The following GFAP variants were observed in gnomAD, a reference collection of about 807,000 sequenced individuals.
GFAP encodes the protein glial fibrillary acidic protein.
A neutral mutation model predicts 49.3 loss-of-function variants in GFAP; 38 were observed. The observed-to-expected ratio is 0.77, with a 90% CI of 0.60 to 1.01. The LOEUF (loss-of-function observed/expected upper bound fraction) is 1.01, where lower values mean the gene tolerates loss of function less well. Ranked by LOEUF, GFAP falls within the 50% of genes least tolerant of loss-of-function variation. GFAP has a pLI of 0.00. For synonymous variants in GFAP, 222 were observed against 236.4 expected (o/e 0.94, Z 0.56); for missense variants, 463 against 579.1 (o/e 0.80, Z 2.06).
In GFAP at chr17:44,910,668, A is replaced by G; in HGVS notation, c.1128-10T>C. Reference sequence around the variant, plus strand: ...CACGGGAATGGTGATCCTGAAAGAAAGCAGAGGGAGAGGGCTGCCCGGGCT... The same window carrying G: ...CACGGGAATGGTGATCCTGAAAGAAGGCAGAGGGAGAGGGCTGCCCGGGCT... On this transcript the variant is annotated splice_polypyrimidine_tract_variant and intron_variant, in intron 6 of 8. Transcript: ENST00000588735. The G allele has an allele frequency of 6.3e-7, 1 of 1,585,556 alleles. No homozygotes were observed. Among genetic ancestry groups the G allele is most frequent in the Non-Finnish European group, 8.6e-7 (1 of 1,165,954 alleles).
Position 44,910,038 on chromosome 17 carries a change from G to A in GFAP, c.1171+577C>T, listed in dbSNP as rs577662659. 184 of 1,600,158 alleles carry A rather than the reference G, an allele frequency of 1.1e-4. 2 individuals carry two copies. The South Asian group carries it at 2.0e-3, about 17-fold the overall frequency. ...ACGCAGTCCAGGCCCTTTAGGGGAAGCCTGGGAAGAGGGAACTCAGGGGGA... is the reference window on the plus strand; with the variant it reads ...ACGCAGTCCAGGCCCTTTAGGGGAAACCTGGGAAGAGGGAACTCAGGGGGA... On this transcript the variant is annotated intron_variant, in intron 7 of 8. Coordinates refer to ENST00000588735, the MANE Select transcript of GFAP (RefSeq NM_002055.5).
intron 1 of GFAP, chr17:44,914,458 T>G: frequency 3.7e-6 from 1 of 268,954 alleles, no homozygotes; most frequent in Admixed American, 4.9e-5. Context: ...CCCCTGGGGA[T>G]TCCTCTGATC....
rs2051658507 is a variant in GFAP, at chr17:44,906,769, A to T, written c.*578T>A. On this transcript the variant is annotated 3_prime_UTR_variant, in exon 9 of 9. Coordinates refer to ENST00000588735, the MANE Select transcript of GFAP (RefSeq NM_002055.5). The stretch of plus-strand genomic sequence containing the variant: ...CTACACAGGAGGCTGAGGTGGGTAG[A>T]CTGCTTGAGCCCAGGAGTTCAAGGT... The T allele has an allele frequency of 5.5e-6, 1 of 182,588 alleles. No homozygotes were observed. Among genetic ancestry groups the T allele is most frequent in the African/African-American group, 2.4e-5 (1 of 42,230 alleles). 11.3% of individuals were successfully genotyped at this position (182,588 alleles called of 1,614,324 possible). A position where few individuals can be genotyped will look rare whatever the true frequency, so the allele number is the denominator to read the frequency against.
chr17:44,908,433 G>C (rs982272023), intron 7 of GFAP: 4 of 342,744 alleles, frequency 1.2e-5, no homozygotes, highest in Non-Finnish European at 2.1e-5. Flanking sequence ...GCACGGTATT[G>C]AAATCAGGAG....
At chr17:44,910,268 G>T in intron 7 of GFAP, 1 of 1,613,890 alleles carries the variant, frequency 6.2e-7, no homozygotes, top group South Asian at 1.1e-5. Flanking sequence ...CCCCTGTAGT[G>T]ACAAGCAGTT....
In GFAP at chr17:44,904,262, G is replaced by A. The variant is rs776426119; in HGVS notation, c.*3085C>T. On this transcript the variant is annotated 3_prime_UTR_variant, in exon 9 of 9. Transcript: ENST00000588735. ...CGATGTGGACATCCAGAACAGTGAG[G>A]GAATGGTGGCCACTTTCCAGGACAA... 9.7e-6 allele frequency: 15 copies of A among 1,550,334 alleles called. No individual in the cohort carries two copies. Among genetic ancestry groups the A allele is most frequent in the Middle Eastern group, 1.7e-4 (1 of 6,012 alleles).
In GFAP at chr17:44,906,699, A is replaced by T. The variant is rs1014870273; in HGVS notation, c.*648T>A. 5 of 164,700 alleles carry T rather than the reference A, an allele frequency of 3.0e-5. No individual in the cohort carries two copies. The highest frequency in any genetic ancestry group is 1.2e-4 in the African/African-American group (5 of 41,614). 10.2% of individuals were successfully genotyped at this position (164,700 alleles called of 1,614,324 possible). A position where few individuals can be genotyped will look rare whatever the true frequency, so the allele number is the denominator to read the frequency against. Reference sequence around the variant, plus strand: ...GACTGATCAGGGTCAGTCTAGGAGAACAACCCTCTGAGCTGGGCATGGTGG... The same window carrying T: ...GACTGATCAGGGTCAGTCTAGGAGATCAACCCTCTGAGCTGGGCATGGTGG... On this transcript the variant is annotated 3_prime_UTR_variant, in exon 9 of 9. Coordinates refer to ENST00000588735, the MANE Select transcript of GFAP (RefSeq NM_002055.5).
At chr17:44,914,579 T>C (rs2051862919) in intron 1 of GFAP, 1 of 227,814 alleles carries the variant, frequency 4.4e-6, no homozygotes, top group African/African-American at 2.3e-5. Flanking sequence ...TCACCTGTGC[T>C]TTGCGCCCAG....
Position 44,905,359 on chromosome 17 carries a change from C to A in GFAP, c.*1988G>T. 1 of 435,804 alleles carries A rather than the reference C, an allele frequency of 2.3e-6. No homozygotes were observed. Among genetic ancestry groups the A allele is most frequent in the Non-Finnish European group, 4.3e-6 (1 of 232,056 alleles). 27.0% of individuals were successfully genotyped at this position (435,804 alleles called of 1,614,324 possible). A position where few individuals can be genotyped will look rare whatever the true frequency, so the allele number is the denominator to read the frequency against. On this transcript the variant is annotated 3_prime_UTR_variant, in exon 9 of 9. Coordinates refer to ENST00000588735, the MANE Select transcript of GFAP (RefSeq NM_002055.5). ...AGGAAAGTGTGAACTCAGATTTATC[C>A]AGTGGTAAACACTGATCAGTGTTGA... is the stretch of plus-strand genomic sequence containing the variant.
chr17:44,903,205 C>T lies in GFAP; in HGVS notation c.*4142G>A. 4 of 1,264,148 alleles carry T rather than the reference C, an allele frequency of 3.2e-6. No homozygotes were observed. The highest frequency in any genetic ancestry group is 4.0e-6 in the Non-Finnish European group (4 of 1,006,696). 78.3% of individuals were successfully genotyped at this position (1,264,148 alleles called of 1,614,324 possible). On this transcript the variant is annotated 3_prime_UTR_variant, in exon 9 of 9. Transcript: ENST00000588735. Reference sequence around the variant, plus strand: ...TTTATGGTAAACAAACACTGATCTCCACAGCTCTTAACAAGAATGTTTATA... The same window carrying T: ...TTTATGGTAAACAAACACTGATCTCTACAGCTCTTAACAAGAATGTTTATA...
chr17:44,914,359 A>C, intron 1 of GFAP: 1 of 513,968 alleles, frequency 1.9e-6, no homozygotes, highest in Non-Finnish European at 3.5e-6. Flanking sequence ...GCATACACTC[A>C]CTGTTGCACA....
intron 8 of GFAP, 50 bp from the exon 9 acceptor site, chr17:44,907,438 G>C: frequency 7.5e-7 from 1 of 1,325,152 alleles, no homozygotes; most frequent in Non-Finnish European, 1.1e-6. Flanking sequence ...AGTTCACACA[G>C]ACCCCAGGTC....
chr17:44,914,376 C>A, intron 1 of GFAP: 1 of 470,246 alleles, frequency 2.1e-6, no homozygotes, highest in Non-Finnish European at 3.8e-6. Context: ...CACACACACA[C>A]ACACACACGC....
At position 44,905,147 on chromosome 17, in the gene GFAP, A is replaced by G. The variant is rs1222013223; in HGVS notation, c.*2200T>C. ...TGATACCAGATGTCTCTGGGTGGGT[A>G]CCCTGGGTTGGGACAGGTGGTAGGA... is the stretch of plus-strand genomic sequence containing the variant. On this transcript the variant is annotated 3_prime_UTR_variant, in exon 9 of 9. Transcript: ENST00000588735. 3.2e-6 allele frequency: 4 copies of G among 1,233,662 alleles called. No homozygotes were observed. In the South Asian group the frequency reaches 4.6e-5, roughly 14 times the overall value. The allele number at this position is 1,233,662 out of a possible 1,614,324, so 76.4% of individuals were successfully genotyped here.
At position 44,903,440 on chromosome 17, in the gene GFAP, C is replaced by A; in HGVS notation, c.*3907G>T. On this transcript the variant is annotated 3_prime_UTR_variant, in exon 9 of 9. Transcript: ENST00000588735. ...TCCCCCAGGTTGATGAAAGACTTTTCCACCAGGCTGGCAGGGCAGGGCCTG... is the reference window on the plus strand; with the variant it reads ...TCCCCCAGGTTGATGAAAGACTTTTACACCAGGCTGGCAGGGCAGGGCCTG... 1 of 1,251,764 alleles carries A rather than the reference C, an allele frequency of 8.0e-7. No homozygotes were observed. The highest frequency in any genetic ancestry group is 1.0e-6 in the Non-Finnish European group (1 of 999,772). The allele number at this position is 1,251,764 out of a possible 1,614,324, so 77.5% of individuals were successfully genotyped here.
At chr17:44,907,414 G>A (rs776854510) in intron 8 of GFAP, 26 bp from the exon 9 acceptor site, 15 of 1,561,602 alleles carry the variant, frequency 9.6e-6, no homozygotes, top group Non-Finnish European at 8.8e-6. Flanking sequence ...AACGTGCACA[G>A]TGCAACAGTT....
In GFAP at chr17:44,905,259, G is replaced by T; in HGVS notation, c.*2088C>A. 5.0e-6 allele frequency: 3 copies of T among 596,238 alleles called. No homozygotes were observed. The highest frequency in any genetic ancestry group is 9.1e-6 in the Non-Finnish European group (3 of 329,600). The allele number at this position is 596,238 out of a possible 1,614,324, so 36.9% of individuals were successfully genotyped here. The stretch of plus-strand genomic sequence containing the variant: ...CTGAGAAGTGGAGGGGCCTGAGGCT[G>T]GTGGGAGATTGGGGACTGAGCTCAG... On this transcript the variant is annotated 3_prime_UTR_variant, in exon 9 of 9. Coordinates refer to ENST00000588735, the MANE Select transcript of GFAP (RefSeq NM_002055.5).
chr17:44,910,939 G>A (rs1057097074), intron 6 of GFAP: 6 of 602,926 alleles, frequency 1.0e-5, no homozygotes, highest in Non-Finnish European at 1.5e-5. Flanking sequence ...AGAAGAGATG[G>A]GTGAGGTGAG....
In GFAP at chr17:44,913,379, G is replaced by T; in HGVS notation, c.670C>A (p.Leu224Ile). The T allele has an allele frequency of 6.2e-7, 1 of 1,614,216 alleles. No individual in the cohort carries two copies. The highest frequency in any genetic ancestry group is 8.5e-7 in the Non-Finnish European group (1 of 1,180,028). The change falls in exon 4 of 9, where the codon CTT (leucine) becomes ATT (isoleucine). Residue 224 changes from leucine (L) to isoleucine (I), a missense_variant. By Grantham distance (5) the Leu-to-Ile change is conservative. Around this residue, in one of 3 missense-constraint regions of GFAP, gnomAD observed 362 missense variants for 445.5 expected, o/e 0.81. Coordinates refer to ENST00000588735, the MANE Select transcript of GFAP (RefSeq NM_002055.5). The stretch of plus-strand genomic sequence containing the variant: ...GTGAGGTCTGGCTTGGCCACGTCAA[G>T]CTCCACATGGACCTGCTGTCGGGCC... ...QLARQQVHVE[L>I]DVAKPDLTAA...
Sources: gnomAD v4.1 joint callset for allele counts on GRCh38, gnomAD v4.1.1 for gene constraint, gnomAD v4.1.1 regional missense constraint, MANE v1.5 for transcripts, NCBI Gene and HGNC (gene_info 2026-07-23, HGNC 2026-07-21) for gene names.